The following PHF10 variants were observed in gnomAD, a reference collection of about 807,000 sequenced individuals.
The protein encoded by PHF10 is PHD finger protein 10.
In PHF10, 51 loss-of-function variants were observed where a neutral mutation model predicts 68.5. The ratio of observed to expected loss-of-function variants is 0.74; its 90% CI spans 0.59 to 0.94. The LOEUF (loss-of-function observed/expected upper bound fraction) is 0.94. Among genes scored for constraint, PHF10 ranks in the 40% least tolerant of loss-of-function variants. The probability of loss-of-function intolerance (pLI) is 0.00; values close to 1 mark genes in which losing one functional copy is unlikely to be tolerated. For synonymous variants in PHF10, 204 were observed against 203.5 expected, an observed-to-expected ratio of 1.00 and a Z score of -0.02; for missense variants, 460 against 602.6, an observed-to-expected ratio of 0.76 and a Z score of 2.48.
intron 11 of PHF10, 175 bp downstream of exon 11, chr6:169,704,958 A>G (rs931056892): frequency 2.3e-6 from 1 of 436,720 alleles, no homozygotes; most frequent in African/African-American, 2.0e-5. Context: ...CTTTAGTTGG[A>G]ATTGTCTAGG....
chr6:169,722,471 C>G (rs1789203107), intron 1 of PHF10, among the ~76,000 whole-genome samples: 1 of 152,020 alleles, frequency 6.6e-6, no homozygotes, highest in Admixed American at 6.5e-5. Context: ...TTTCCTTTAG[C>G]TAAAAAGTTG....
intron 3 of PHF10, among the ~76,000 whole-genome samples, chr6:169,718,456 G>A (rs1233329456): frequency 6.6e-6 from 1 of 152,126 alleles, no homozygotes; most frequent in Non-Finnish European, 1.5e-5. Flanking sequence ...GAAGCCATGA[G>A]TTTGAGACCA....
chr6:169,703,976 T>TA lies in PHF10; in HGVS notation c.*26dup, dbSNP rs750404804. On this transcript the variant is annotated 3_prime_UTR_variant, in exon 12 of 12. Coordinates refer to ENST00000339209, the MANE Select transcript of PHF10 (RefSeq NM_018288.4). ...GCACCAAATATTCCACTTAAATGCA[T>TA]ATACAGTATTAGAGTCAAAAACTAT... 2.0e-6 allele frequency: 3 copies of TA among 1,489,674 alleles called. No homozygotes were observed. In the South Asian group the frequency reaches 3.8e-5, roughly 19 times the overall value. 92.3% of individuals were successfully genotyped at this position (1,489,674 alleles called of 1,614,324 possible). A position where few individuals can be genotyped will look rare whatever the true frequency, so the allele number is the denominator to read the frequency against.
intron 2 of PHF10, among the ~76,000 whole-genome samples, chr6:169,720,305 C>A (rs148923869): frequency 6.6e-6 from 1 of 152,218 alleles, no homozygotes; most frequent in East Asian, 1.9e-4. Context: ...AGCTACTCCA[C>A]TCCTAGATAA....
intron 3 of PHF10, among the ~76,000 whole-genome samples, chr6:169,718,465 C>T (rs1789102397): frequency 6.6e-6 from 1 of 151,960 alleles, no homozygotes; most frequent in African/African-American, 2.4e-5. Context: ...AGTTTGAGAC[C>T]ACGCTGGGCA....
intron 2 of PHF10, 105 bp from the exon 3 acceptor site, chr6:169,719,023 G>T (rs544344891): frequency 2.7e-6 from 2 of 744,978 alleles, no homozygotes; most frequent in Admixed American, 2.8e-5. Flanking sequence ...TAAATTATTT[G>T]CCTCCTATGA....
chr6:169,712,650 T>G, intron 7 of PHF10, 111 bp from the exon 8 acceptor site: 1 of 822,806 alleles, frequency 1.2e-6, no homozygotes, highest in Non-Finnish European at 1.8e-6. Context: ...CGAAGACTTT[T>G]GAAAACTAGA....
intron 7 of PHF10, among the ~76,000 whole-genome samples, chr6:169,713,453 A>G (rs1788971635): frequency 6.6e-6 from 1 of 152,056 alleles, no homozygotes; most frequent in Non-Finnish European, 1.5e-5. Context: ...ACAGAAAATT[A>G]GCTGGGCAAG....
At chr6:169,714,961 A>T (rs1278923166) in intron 6 of PHF10, 119 bp from the exon 7 acceptor site, 1 of 652,120 alleles carries the variant, frequency 1.5e-6, no homozygotes, top group East Asian at 2.6e-5. Flanking sequence ...CTAAAATTTT[A>T]GGAGATATCA....
chr6:169,714,067 G>A (rs7752243), intron 7 of PHF10, among the ~76,000 whole-genome samples: 17,015 of 151,774 alleles, frequency 0.11, 1,035 homozygotes, highest in African/African-American at 0.14. Context: ...GTTGCAGTGA[G>A]CCGAAATCAC....
rs1789115910 is a variant in PHF10, at chr6:169,718,981, T to C, written c.195-63A>G. On this transcript the variant is annotated intron_variant, in intron 2 of 11. Coordinates refer to ENST00000339209, the MANE Select transcript of PHF10 (RefSeq NM_018288.4). ...TTTCATTAATTTTTAATCACTTTTA[T>C]TGAGGATATTTTGAAAACTATTTTA... is the stretch of plus-strand genomic sequence containing the variant. 9 of 1,100,644 alleles carry C rather than the reference T, an allele frequency of 8.2e-6. No homozygotes were observed. The East Asian group carries it at 2.2e-4, about 27-fold the overall frequency. 68.2% of individuals were successfully genotyped at this position (1,100,644 alleles called of 1,614,324 possible). A position where few individuals can be genotyped will look rare whatever the true frequency, so the allele number is the denominator to read the frequency against.
At chr6:169,720,712 T>C (rs1462293820) in intron 2 of PHF10, among the ~76,000 whole-genome samples, 2 of 152,142 alleles carry the variant, frequency 1.3e-5, no homozygotes, top group Non-Finnish European at 2.9e-5. Context: ...GTTTTGGAAA[T>C]GGATGGTGGT....
chr6:169,708,454 T>C (rs1029259654), intron 9 of PHF10: 1 of 152,140 alleles, frequency 6.6e-6, no homozygotes, highest in African/African-American at 2.4e-5. Context: ...AGTACCCTAA[T>C]ATTTAGGCAC....
chr6:169,721,611 G>A (rs1789178766), intron 1 of PHF10, among the ~76,000 whole-genome samples: 1 of 152,064 alleles, frequency 6.6e-6, no homozygotes, highest in Non-Finnish European at 1.5e-5. Flanking sequence ...ACCCTAATAA[G>A]GGTCATCAAT....
In PHF10 at chr6:169,715,985, T is replaced by C. The variant is rs972514208; in HGVS notation, c.513A>G (p.Gln171=). Residue 171 remains glutamine, a synonymous_variant, in exon 5 of 12, where the codon CAA becomes CAG. Transcript: ENST00000339209. ...ACTCTTTATAATGGTCTGTAATTCG[T>C]TGACGTTCTTTTTCTTGTAGAATAA... is the stretch of plus-strand genomic sequence containing the variant. ...YSVILQEKER[Q]RITDHYKEYS... is the part of the protein sequence containing the mutation. 9.9e-6 allele frequency: 16 copies of C among 1,608,806 alleles called. No homozygotes were observed. Among genetic ancestry groups the C allele is most frequent in the Middle Eastern group, 1.7e-4 (1 of 6,024 alleles).
intron 2 of PHF10, chr6:169,719,413 T>C (rs1789126532): frequency 6.5e-6 from 1 of 153,128 alleles, no homozygotes; most frequent in Non-Finnish European, 1.5e-5. Context: ...TGTTCTCAGA[T>C]ACTCCACAAA....
In PHF10 at chr6:169,717,921, T is replaced by A. The variant is rs1310144625; in HGVS notation, c.326-15A>T. 7.4e-7 allele frequency: 1 copy of A among 1,357,098 alleles called. No homozygotes were observed. The highest frequency in any genetic ancestry group is 2.3e-5 in the East Asian group (1 of 42,868). The allele number at this position is 1,357,098 out of a possible 1,614,324, so 84.1% of individuals were successfully genotyped here. ...TCGCTCTAAATCTCCAAAAAAAAGA[T>A]CAAAAGACTATTAAAAACAGCAAAA... On this transcript the variant is annotated splice_polypyrimidine_tract_variant and intron_variant, in intron 3 of 11. Coordinates refer to ENST00000339209, the MANE Select transcript of PHF10 (RefSeq NM_018288.4).
intron 10 of PHF10, 84 bp from the exon 11 acceptor site, chr6:169,705,405 C>T: frequency 2.1e-6 from 2 of 953,128 alleles, no homozygotes; most frequent in Non-Finnish European, 3.2e-6. Context: ...TGCTTTAGGA[C>T]TTCCAGAGAA....
At position 169,710,097 on chromosome 6, in the gene PHF10, G is replaced by A. The variant is rs552865685; in HGVS notation, c.1113+139C>T. 86 of 557,404 alleles carry A rather than the reference G, an allele frequency of 1.5e-4. No homozygotes were observed. In the African/African-American group the frequency reaches 1.6e-3, roughly 10 times the overall value. The allele number at this position is 557,404 out of a possible 1,614,324, so 34.5% of individuals were successfully genotyped here. A position where few individuals can be genotyped will look rare whatever the true frequency, so the allele number is the denominator to read the frequency against. ...AGGAAATAAAGCAAAAAAGAAAGCA[G>A]CGGACAAAGGGCACACCATAGAAGA... On this transcript the variant is annotated intron_variant, in intron 9 of 11. Coordinates refer to ENST00000339209, the MANE Select transcript of PHF10 (RefSeq NM_018288.4).
Sources: allele counts gnomAD v4.1 joint callset (sites outside exome capture counted in the v4.1 genomes callset), GRCh38; gene constraint gnomAD v4.1.1; transcripts MANE v1.5; gene names NCBI Gene and HGNC (gene_info 2026-07-23, HGNC 2026-07-21).